Variants in SCAI observed in about 807,000 individuals in gnomAD.
SCAI encodes suppressor of cancer cell invasion.
SCAI carries 24 observed loss-of-function variants against 92.2 expected under a neutral mutation model. The observed-to-expected ratio is 0.26, with a 90% CI of 0.19 to 0.37. The LOEUF is 0.37. SCAI is among the 10% of genes least tolerant of loss of function. The pLI is 1.00. For synonymous variants in SCAI, 261 were observed against 258.6 expected, an observed-to-expected ratio of 1.01 and a Z score of -0.09; for missense variants, 450 against 736.2, an observed-to-expected ratio of 0.61 and a Z score of 4.50.
rs751951019 is a variant in SCAI at position 124,964,113 on chromosome 9, G to C, written c.1674+7257C>G. Among the ~76,000 whole-genome samples, 7 of 152,248 alleles carry C rather than the reference G, an allele frequency of 4.6e-5. No individual in the cohort carries two copies. In the South Asian group the frequency reaches 8.3e-4, roughly 18 times the overall value. On this transcript the variant is annotated intron_variant, in intron 17 of 17. Coordinates refer to ENST00000336505, the MANE Select transcript of SCAI (RefSeq NM_001144877.3). ...CATTTCAGTGTCCATTATCATAGAA[G>C]CATCCATCTCATAGAAGTCAAAAGC... is the stretch of plus-strand genomic sequence containing the variant.
chr9:125,128,260 A>C (rs756522325), intron 2 of SCAI, among the ~76,000 whole-genome samples: 9 of 151,898 alleles, frequency 5.9e-5, no homozygotes, highest in Non-Finnish European at 1.3e-4. Flanking sequence ...AAGGTGCTGT[A>C]AGCTGTGACT....
rs1831221681 is a variant in SCAI, at chr9:124,950,644, A to G, written c.*2163T>C. The stretch of plus-strand genomic sequence containing the variant: ...TTTATTAAGATACTGAAAAAAAAGG[A>G]AAGCAGTCTTTACCTGAAAATGAAA... On this transcript the variant is annotated 3_prime_UTR_variant, in exon 18 of 18. Transcript: ENST00000336505. 6.6e-6 allele frequency: 1 copy of G among 152,222 alleles called. No homozygotes were observed. Among genetic ancestry groups the G allele is most frequent in the Non-Finnish European group, 1.5e-5 (1 of 68,040 alleles). 9.4% of individuals were successfully genotyped at this position (152,222 alleles called of 1,614,324 possible).
At chr9:125,021,022 A>G (rs983745995) in intron 6 of SCAI, among the ~76,000 whole-genome samples, 1 of 152,232 alleles carries the variant, frequency 6.6e-6, no homozygotes, top group Non-Finnish European at 1.5e-5. Flanking sequence ...CTAAAAGCAC[A>G]GTTGTAAAAA....
chr9:125,008,046 C>T (rs1289850857), intron 9 of SCAI, among the ~76,000 whole-genome samples: 1 of 151,834 alleles, frequency 6.6e-6, no homozygotes. Context: ...GGGGTTTCAC[C>T]GTGTTAGCCA....
chr9:125,070,734 G>C (rs955929278), intron 2 of SCAI, among the ~76,000 whole-genome samples: 1 of 152,060 alleles, frequency 6.6e-6, no homozygotes, highest in Non-Finnish European at 1.5e-5. Flanking sequence ...ACATGTTACT[G>C]AAGTTAAATT....
At chr9:125,007,284 T>C (rs568085969) in intron 9 of SCAI, among the ~76,000 whole-genome samples, 4 of 152,304 alleles carry the variant, frequency 2.6e-5, no homozygotes, top group South Asian at 4.1e-4. Context: ...CTAGAGAGTA[T>C]AGTTAGCAGA....
intron 2 of SCAI, among the ~76,000 whole-genome samples, chr9:125,112,457 C>A (rs1218489723): frequency 1.3e-5 from 2 of 152,200 alleles, no homozygotes; most frequent in Admixed American, 1.3e-4. Flanking sequence ...CAAGTAAACT[C>A]TTCTTGTAAC....
chr9:125,135,745 G>A (rs56118607), intron 2 of SCAI, among the ~76,000 whole-genome samples: 20,169 of 151,962 alleles, frequency 0.13, 1,431 homozygotes, highest in East Asian at 0.23. Context: ...CAAGGCGGAC[G>A]GATCACCGGA....
At chr9:125,013,001 A>C (rs1162306033) in intron 9 of SCAI, among the ~76,000 whole-genome samples, 1 of 152,238 alleles carries the variant, frequency 6.6e-6, no homozygotes, top group Non-Finnish European at 1.5e-5. Flanking sequence ...GACACAACAT[A>C]CCAGAATCTC....
intron 2 of SCAI, among the ~76,000 whole-genome samples, chr9:125,124,196 A>G (rs959847428): frequency 5.3e-5 from 8 of 152,206 alleles, no homozygotes; most frequent in Non-Finnish European, 8.8e-5. Flanking sequence ...GTAAGGCAAT[A>G]AAAGACTAGG....
intron 2 of SCAI, among the ~76,000 whole-genome samples, chr9:125,106,122 A>AT (rs1361859750): frequency 4.5e-4 from 4 of 8,858 alleles, no homozygotes; most frequent in Non-Finnish European, 8.2e-4. Flanking sequence ...AAAAAAAAAA[A>AT]ATATATATAT....
chr9:124,952,086 T>C lies in SCAI; in HGVS notation c.*721A>G, dbSNP rs1488415169. 4 of 152,206 alleles carry C rather than the reference T, an allele frequency of 2.6e-5. No individual in the cohort carries two copies. The highest frequency in any genetic ancestry group is 1.9e-4 in the East Asian group (1 of 5,202). The allele number at this position is 152,206 out of a possible 1,614,324, so 9.4% of individuals were successfully genotyped here. On this transcript the variant is annotated 3_prime_UTR_variant, in exon 18 of 18. Coordinates refer to ENST00000336505, the MANE Select transcript of SCAI (RefSeq NM_001144877.3). ...GAAACCAATGACATGGTTTTTTGAC[T>C]AAAATATTTCAAAGTTGTTTCCTTT...
chr9:125,031,180 G>A (rs113899906), intron 3 of SCAI, among the ~76,000 whole-genome samples: 40 of 152,158 alleles, frequency 2.6e-4, no homozygotes, highest in African/African-American at 8.9e-4. Context: ...AGAATTTAGG[G>A]TATGGCTACA....
At position 124,947,469 on chromosome 9, in the gene SCAI, G is replaced by C. The variant is rs1831163674; in HGVS notation, c.*5338C>G. ...ATTAGCCCATTTTATCCAAACACAA[G>C]CCTCTCAAAATAGAGGCTTATGAAT... On this transcript the variant is annotated 3_prime_UTR_variant, in exon 18 of 18. Transcript: ENST00000336505. The C allele has an allele frequency of 6.6e-6, 1 of 151,748 alleles. No homozygotes were observed. Among genetic ancestry groups the C allele is most frequent in the African/African-American group, 2.4e-5 (1 of 41,350 alleles). The allele number at this position is 151,748 out of a possible 1,614,324, so 9.4% of individuals were successfully genotyped here.
At chr9:125,007,649 C>A (rs1832539242) in intron 9 of SCAI, among the ~76,000 whole-genome samples, 1 of 150,944 alleles carries the variant, frequency 6.6e-6, no homozygotes, top group Non-Finnish European at 1.5e-5. Flanking sequence ...GATACTGTCT[C>A]TAAAAAGAAA....
At chr9:125,024,432 C>T (rs754673547) in intron 6 of SCAI, among the ~76,000 whole-genome samples, 1 of 152,034 alleles carries the variant, frequency 6.6e-6, no homozygotes, top group Non-Finnish European at 1.5e-5. Context: ...CGTGCCACCA[C>T]GCCCGGCTAA....
At chr9:125,084,859 T>A (rs986359127) in intron 2 of SCAI, among the ~76,000 whole-genome samples, 4 of 152,180 alleles carry the variant, frequency 2.6e-5, no homozygotes, top group African/African-American at 4.8e-5. Context: ...TAAAATTTTT[T>A]AAAAATCTAA....
chr9:125,040,871 G>C (rs1213864989), intron 3 of SCAI, among the ~76,000 whole-genome samples: 1 of 151,780 alleles, frequency 6.6e-6, no homozygotes, highest in Non-Finnish European at 1.5e-5. Context: ...CTGACCTCAA[G>C]TGATCCGCCG....
chr9:125,014,557 C>A, intron 9 of SCAI, among the ~76,000 whole-genome samples: 1 of 152,022 alleles, frequency 6.6e-6, no homozygotes, highest in Admixed American at 6.6e-5. Context: ...AAAGAACATT[C>A]CATGCTCATG....
Sources: allele counts gnomAD v4.1 joint callset (sites outside exome capture counted in the v4.1 genomes callset), GRCh38; gene constraint gnomAD v4.1.1; transcripts MANE v1.5; gene names NCBI Gene and HGNC (gene_info 2026-07-23, HGNC 2026-07-21).